Variants in HEATR5A observed in about 807,000 individuals in gnomAD.
The protein encoded by HEATR5A is HEAT repeat containing 5A.
HEATR5A carries 178 observed loss-of-function variants against 218.8 expected under a neutral mutation model. The observed-to-expected ratio is 0.81, with a 90% CI of 0.72 to 0.92. The LOEUF (loss-of-function observed/expected upper bound fraction) is 0.92. Among genes scored for constraint, HEATR5A ranks in the 40% least tolerant of loss-of-function variants. The pLI, the probability that HEATR5A is intolerant of heterozygous loss-of-function variation, is 0.00. For missense variants in HEATR5A, 2,420 were observed against 2,418.9 expected (o/e 1.00, Z -0.01); for synonymous variants, 864 against 871.6 (o/e 0.99, Z 0.15).
chr14:31,317,604 G>C (rs1006186688), intron 26 of HEATR5A, among the ~76,000 whole-genome samples: 2 of 152,134 alleles, frequency 1.3e-5, no homozygotes, highest in African/African-American at 4.8e-5. Context: ...CCTAGGGCTG[G>C]ATATTAAGTG....
chr14:31,349,297 T>C (rs964356672), intron 18 of HEATR5A, among the ~76,000 whole-genome samples: 1 of 151,762 alleles, frequency 6.6e-6, no homozygotes, highest in South Asian at 2.1e-4. Context: ...CTGAGGCTGA[T>C]GGCGTGAACC....
rs576120611 is a variant in HEATR5A at position 31,319,435 on chromosome 14, G to A, written c.3970-1143C>T. ...CCCAAAGTGCTGGGATTACAGGCAT[G>A]AGCCACCGCGCCCGGCCTCTAATAT... On this transcript the variant is annotated intron_variant, in intron 25 of 35. Transcript: ENST00000543095. 1.3e-3 allele frequency among the ~76,000 whole-genome samples: 200 copies of A among 152,326 alleles called. 1 individual carries two copies. Among genetic ancestry groups the A allele is most frequent in the African/African-American group, 4.7e-3 (195 of 41,576 alleles).
At chr14:31,408,645 A>T (rs895021471) in intron 1 of HEATR5A, among the ~76,000 whole-genome samples, 5 of 151,898 alleles carry the variant, frequency 3.3e-5, no homozygotes. Context: ...CAAATGTCAG[A>T]CATAGTGTAT....
rs1899085195 is a variant in HEATR5A at position 31,293,617 on chromosome 14, A to G, written c.5834-5T>C. ...GACAGGCCACCAGCTGAGCGCCTAG[A>G]AAGTAAACAAATAATATAAGTTCAG... On this transcript the variant is annotated splice_polypyrimidine_tract_variant and splice_region_variant and intron_variant, in intron 35 of 35. Transcript: ENST00000543095. 2.5e-6 allele frequency: 4 copies of G among 1,589,690 alleles called. No homozygotes were observed. The highest frequency in any genetic ancestry group is 1.2e-5 in the South Asian group (1 of 86,526).
intron 14 of HEATR5A, among the ~76,000 whole-genome samples, chr14:31,359,613 G>A (rs1372976848): frequency 6.7e-6 from 1 of 150,250 alleles, no homozygotes; most frequent in East Asian, 2.0e-4. Context: ...TGTAACCCCA[G>A]CTACTCAGAG....
intron 12 of HEATR5A, among the ~76,000 whole-genome samples, chr14:31,372,646 T>A (rs1316017316): frequency 6.6e-6 from 1 of 152,056 alleles, no homozygotes. Flanking sequence ...CTGACCAACA[T>A]GGAGAACCCC....
Position 31,359,020 on chromosome 14 carries a change from G to A in HEATR5A, c.2109C>T (p.Asp703=). The change falls in exon 15 of 36, where the codon GAC becomes GAT. Residue 703 remains aspartate (D), a synonymous_variant. Coordinates refer to ENST00000543095, the MANE Select transcript of HEATR5A (RefSeq NM_015473.4). ...CCACCTGAATATCAGGGGCAGTCAA[G>A]TCAGCAGCCAGCTCTCTGAGGATAG... ...LCAILRELAA[D]LTAPDIQVAA... 6.3e-7 allele frequency: 1 copy of A among 1,590,240 alleles called. No individual in the cohort carries two copies.
chr14:31,295,926 CAA>C lies in HEATR5A; in HGVS notation c.5600_5601del (p.Leu1867ArgfsTer51). 6.2e-7 allele frequency: 1 copy of C among 1,613,592 alleles called. No homozygotes were observed. Among genetic ancestry groups the C allele is most frequent in the Non-Finnish European group, 8.5e-7 (1 of 1,179,670 alleles). ...KRCIDKFKAT[L>X]EIKDPVVQIK... is the part of the protein sequence containing the mutation. ...ACACTTACCACAGGATCTTTTATCT[CAA>C]GAGTAGCTTTAAATTTATCAATACA... On this transcript the variant is annotated frameshift_variant, in exon 34 of 36. Coordinates refer to ENST00000543095, the MANE Select transcript of HEATR5A (RefSeq NM_015473.4). LOFTEE classifies it high-confidence loss of function.
chr14:31,388,542 T>C (rs1251173751), intron 7 of HEATR5A, among the ~76,000 whole-genome samples: 1 of 152,096 alleles, frequency 6.6e-6, no homozygotes. Flanking sequence ...ACAAATACAA[T>C]GGAAAACATG....
chr14:31,402,578 T>C lies in HEATR5A; in HGVS notation c.126+272A>G, dbSNP rs193213853. Among the ~76,000 whole-genome samples the C allele has an allele frequency of 1.3e-3, 203 of 152,304 alleles. No homozygotes were observed. The Middle Eastern group carries it at 0.014, about 10-fold the overall frequency. ...AGACCATAACAAAAACGAAGTATAATAGAAAGTAGTTGTAGTTGGTGTTTC... is the reference window on the plus strand; with the variant it reads ...AGACCATAACAAAAACGAAGTATAACAGAAAGTAGTTGTAGTTGGTGTTTC... On this transcript the variant is annotated intron_variant, in intron 2 of 35. Transcript: ENST00000543095.
intron 14 of HEATR5A, among the ~76,000 whole-genome samples, chr14:31,362,370 C>T (rs1054799280): frequency 6.6e-6 from 1 of 151,566 alleles, no homozygotes; most frequent in Non-Finnish European, 1.5e-5. Context: ...CTCCTGATTG[C>T]ATTTCCAAAC....
rs368221973 is a variant in HEATR5A, at chr14:31,358,710, G to A, written c.2338C>T (p.Pro780Ser). The A allele has an allele frequency of 1.9e-6, 3 of 1,613,884 alleles. No homozygotes were observed. The highest frequency in any genetic ancestry group is 2.7e-5 in the African/African-American group (2 of 75,006). ...GCAGAACTAATAACTGATAGTGCTG[G>A]AGGTAAGGGCTTAGGCACTGAATCT... ...EGDSVPKPLP[P>S]ALSVISSASK... The change falls in exon 16 of 36, where the codon CCA becomes TCA. Residue 780 changes from proline to serine, a missense_variant. Coordinates refer to ENST00000543095, the MANE Select transcript of HEATR5A (RefSeq NM_015473.4).
intron 22 of HEATR5A, among the ~76,000 whole-genome samples, chr14:31,334,924 T>C (rs7142127): frequency 0.97 from 140,463 of 144,766 alleles, 68,212 homozygotes; most frequent in East Asian, 1. Flanking sequence ...TCAGCCTGGG[T>C]GACAGAGCAA....
intron 9 of HEATR5A, 123 bp from the exon 10 acceptor site, chr14:31,383,894 T>A: frequency 1.4e-6 from 1 of 694,724 alleles, no homozygotes; most frequent in Non-Finnish European, 2.2e-6. Flanking sequence ...CACATTATAA[T>A]AGAAAAATAC....
At chr14:31,385,340 C>T (rs369464774) in intron 9 of HEATR5A, among the ~76,000 whole-genome samples, 7 of 152,198 alleles carry the variant, frequency 4.6e-5, no homozygotes, top group Admixed American at 1.3e-4. Context: ...CTATGTTGCC[C>T]AGGCTGGTCT....
intron 22 of HEATR5A, among the ~76,000 whole-genome samples, chr14:31,332,524 C>A (rs1187754500): frequency 6.6e-6 from 1 of 152,144 alleles, no homozygotes; most frequent in Non-Finnish European, 1.5e-5. Context: ...GTGAGAAAGG[C>A]ATGTCAAAAG....
At position 31,388,788 on chromosome 14, in the gene HEATR5A, A is replaced by G. The variant is rs1262768386; in HGVS notation, c.933+57T>C. 5.6e-6 allele frequency: 8 copies of G among 1,436,518 alleles called. No individual in the cohort carries two copies. The Admixed American group carries it at 1.4e-4, about 24-fold the overall frequency. The allele number at this position is 1,436,518 out of a possible 1,614,324, so 89.0% of individuals were successfully genotyped here. A position where few individuals can be genotyped will look rare whatever the true frequency, so the allele number is the denominator to read the frequency against. On this transcript the variant is annotated intron_variant, in intron 7 of 35. Coordinates refer to ENST00000543095, the MANE Select transcript of HEATR5A (RefSeq NM_015473.4). ...ACCACTTCTGTGGAGTCAGATACTA[A>G]AACTTTCATTATAGGCCAGTAAGAG...
chr14:31,368,695 CTATTTATTTATTTATTTATT>C (rs71708210), intron 13 of HEATR5A, among the ~76,000 whole-genome samples: 16 of 130,604 alleles, frequency 1.2e-4, no homozygotes, highest in East Asian at 4.5e-4. Context: ...ACATCTGACT[CTATTTATTTATTTATTTATT>C]TATTTATTTA....
chr14:31,402,229 A>G (rs959607636), intron 2 of HEATR5A, among the ~76,000 whole-genome samples: 7 of 152,232 alleles, frequency 4.6e-5, no homozygotes, highest in Non-Finnish European at 8.8e-5. Flanking sequence ...TTGGAACTGC[A>G]TATAGTACTG....
Sources: gnomAD v4.1 joint callset for allele counts (sites outside exome capture counted in the v4.1 genomes callset) on GRCh38, gnomAD v4.1.1 for gene constraint, MANE v1.5 for transcripts, NCBI Gene and HGNC (gene_info 2026-07-23, HGNC 2026-07-21) for gene names.